The following SERINC1 variants were observed in gnomAD, a reference collection of about 807,000 sequenced individuals.
SERINC1 encodes the protein tumor differentially expressed protein 2.
SERINC1 carries 38 observed loss-of-function variants against 52.9 expected under a neutral mutation model. The ratio of observed to expected loss-of-function variants is 0.72; its 90% CI spans 0.55 to 0.94. The LOEUF is 0.94. SERINC1 is among the 40% of genes least tolerant of loss of function. SERINC1 has a pLI of 0.00. For synonymous variants in SERINC1, 198 were observed against 183.1 expected (o/e 1.08, Z -0.66); for missense variants, 471 against 533.9 (o/e 0.88, Z 1.16).
rs192381949 is a variant in SERINC1, at chr6:122,465,974, A to G, written c.39+5725T>C. ...ACAGAGGCCAGGAACGGTGGCTCAC[A>G]CCTGTAATCCCAGCACTTTGGGAGG... On this transcript the variant is annotated intron_variant, in intron 1 of 9. Coordinates refer to ENST00000339697, the MANE Select transcript of SERINC1 (RefSeq NM_020755.4). Among the ~76,000 whole-genome samples the G allele has an allele frequency of 6.6e-4, 101 of 152,244 alleles. 1 individual carries two copies. The East Asian group carries it at 0.016, about 25-fold the overall frequency.
intron 6 of SERINC1, 22 bp from the exon 7 acceptor site, chr6:122,451,776 A>AAAAAAT: frequency 2.8e-4 from 32 of 112,976 alleles, no homozygotes; most frequent in African/African-American, 2.2e-4. Flanking sequence ...AAAAAAAAAA[A>AAAAAAT]ATATATATAT....
At chr6:122,457,641 T>C (rs1327298172) in intron 2 of SERINC1, among the ~76,000 whole-genome samples, 1 of 152,074 alleles carries the variant, frequency 6.6e-6, no homozygotes, top group Non-Finnish European at 1.5e-5. Flanking sequence ...AAATGTAAGA[T>C]GGCCATGTGT....
intron 7 of SERINC1, among the ~76,000 whole-genome samples, chr6:122,450,394 T>C (rs1725537723): frequency 6.6e-6 from 1 of 152,210 alleles, no homozygotes. Flanking sequence ...TTTCAAAATA[T>C]TACTACTCAA....
At chr6:122,457,327 G>C (rs1404007054) in intron 2 of SERINC1, among the ~76,000 whole-genome samples, 1 of 152,094 alleles carries the variant, frequency 6.6e-6, no homozygotes, top group African/African-American at 2.4e-5. Context: ...TTCTAGCTCT[G>C]CTCACTCTGA....
chr6:122,469,458 C>T (rs146965014), intron 1 of SERINC1, among the ~76,000 whole-genome samples: 1,729 of 151,522 alleles, frequency 0.011, 38 homozygotes, highest in African/African-American at 0.04. Context: ...CTCACTGCAG[C>T]CTCCGCCTCC....
intron 1 of SERINC1, among the ~76,000 whole-genome samples, chr6:122,470,975 G>A (rs1582640380): frequency 6.6e-6 from 1 of 151,414 alleles, no homozygotes; most frequent in African/African-American, 2.4e-5. Context: ...TAATGAAAAT[G>A]CAATGTACAG....
intron 9 of SERINC1, 117 bp from the exon 10 acceptor site, chr6:122,445,296 A>G (rs1774770362): frequency 1.0e-6 from 1 of 957,976 alleles, no homozygotes; most frequent in Non-Finnish European, 1.5e-6. Flanking sequence ...GATTTCAGAT[A>G]TATCATTGCT....
At chr6:122,455,803 G>C (rs1318232117) in intron 3 of SERINC1, among the ~76,000 whole-genome samples, 1 of 152,056 alleles carries the variant, frequency 6.6e-6, no homozygotes, top group African/African-American at 2.4e-5. Context: ...ATGTATCAAA[G>C]TATAAGGTGA....
At chr6:122,468,676 T>C (rs1308333297) in intron 1 of SERINC1, among the ~76,000 whole-genome samples, 2 of 152,232 alleles carry the variant, frequency 1.3e-5, no homozygotes, top group East Asian at 3.8e-4. Flanking sequence ...CACCCATGCA[T>C]TGAGAGAGAA....
chr6:122,451,355 A>C (rs1187713723), intron 7 of SERINC1, among the ~76,000 whole-genome samples: 1 of 152,190 alleles, frequency 6.6e-6, no homozygotes, highest in Non-Finnish European at 1.5e-5. Flanking sequence ...ACAACAGACT[A>C]GTGTAAGATA....
Position 122,445,089 on chromosome 6 carries a change from C to A in SERINC1, c.1317G>T (p.Trp439Cys). The A allele has an allele frequency of 6.2e-7, 1 of 1,614,020 alleles. No individual in the cohort carries two copies. Among genetic ancestry groups the A allele is most frequent in the Non-Finnish European group, 8.5e-7 (1 of 1,179,920 alleles). Residue 439 changes from tryptophan to cysteine, a missense_variant, in exon 10 of 10, where the codon TGG (tryptophan) becomes TGT (cysteine). By Grantham distance (215) the Trp-to-Cys change is radical. Transcript: ENST00000339697. Reference sequence around the variant, plus strand: ...TAAGAACAAGTGGTGCCACGAGTGTCCAAACATACAGCACGATGCCAATCC... The same window carrying A: ...TAAGAACAAGTGGTGCCACGAGTGTACAAACATACAGCACGATGCCAATCC... ...SSWIGIVLYV[W>C]TLVAPLVLTN...
At chr6:122,466,760 T>C (rs1775199340) in intron 1 of SERINC1, among the ~76,000 whole-genome samples, 1 of 151,876 alleles carries the variant, frequency 6.6e-6, no homozygotes, top group South Asian at 2.1e-4. Flanking sequence ...GCCAATGAGA[T>C]GGAAAGCAGA....
At chr6:122,461,071 A>T (rs1775092663) in intron 1 of SERINC1, among the ~76,000 whole-genome samples, 1 of 152,162 alleles carries the variant, frequency 6.6e-6, no homozygotes, top group Non-Finnish European at 1.5e-5. Context: ...TAAATAGCCT[A>T]ATATAAGTGA....
intron 7 of SERINC1, among the ~76,000 whole-genome samples, chr6:122,447,762 A>C (rs1173418887): frequency 6.6e-6 from 1 of 152,234 alleles, no homozygotes. Flanking sequence ...CAAATGCCTC[A>C]TGGAAATTAC....
chr6:122,470,521 A>T (rs1775268214), intron 1 of SERINC1, among the ~76,000 whole-genome samples: 1 of 152,202 alleles, frequency 6.6e-6, no homozygotes, highest in South Asian at 2.1e-4. Flanking sequence ...TATCACACTA[A>T]ATATGCCTCT....
intron 1 of SERINC1, among the ~76,000 whole-genome samples, chr6:122,466,465 G>T (rs529465481): frequency 6.6e-6 from 1 of 151,984 alleles, no homozygotes; most frequent in Non-Finnish European, 1.5e-5. Flanking sequence ...TCACAGATAC[G>T]CTGGGTGTAG....
chr6:122,470,371 T>A (rs1402144180), intron 1 of SERINC1, among the ~76,000 whole-genome samples: 2 of 152,172 alleles, frequency 1.3e-5, no homozygotes, highest in African/African-American at 4.8e-5. Flanking sequence ...AAATCTCTAT[T>A]ATATACAAAA....
In SERINC1 at chr6:122,466,368, G is replaced by A. The variant is rs9490458; in HGVS notation, c.39+5331C>T. On this transcript the variant is annotated intron_variant, in intron 1 of 9. Transcript: ENST00000339697. ...AGGCTGGAATGTAGGCTTTACTAGAGTGCAGTGGCATGATTACAGCTCACT... is the reference window on the plus strand; with the variant it reads ...AGGCTGGAATGTAGGCTTTACTAGAATGCAGTGGCATGATTACAGCTCACT... Among the ~76,000 whole-genome samples the A allele has an allele frequency of 8.7e-4, 133 of 152,254 alleles. 1 individual carries two copies. Among genetic ancestry groups the A allele is most frequent in the African/African-American group, 3.2e-3 (132 of 41,546 alleles).
rs1442036174 is a variant in SERINC1 at position 122,444,859 on chromosome 6, T to C, written c.*185A>G. 1.7e-6 allele frequency: 1 copy of C among 588,590 alleles called. No homozygotes were observed. Among genetic ancestry groups the C allele is most frequent in the Admixed American group, 3.4e-5 (1 of 29,392 alleles). The allele number at this position is 588,590 out of a possible 1,614,324, so 36.5% of individuals were successfully genotyped here. A position where few individuals can be genotyped will look rare whatever the true frequency, so the allele number is the denominator to read the frequency against. On this transcript the variant is annotated 3_prime_UTR_variant, in exon 10 of 10. Transcript: ENST00000339697. ...CATAAAACTTTCCTCTGCAATTCAT[T>C]CTACTTCACATATCAATGCACTTGG...
Sources: allele counts gnomAD v4.1 joint callset (sites outside exome capture counted in the v4.1 genomes callset), GRCh38; gene constraint gnomAD v4.1.1; transcripts MANE v1.5; gene names NCBI Gene and HGNC (gene_info 2026-07-23, HGNC 2026-07-21).